The following PFKFB3 variants were observed in gnomAD, a reference collection of about 807,000 sequenced individuals.
The protein encoded by PFKFB3 is 6-phosphofructo-2-kinase/fructose-2,6-bisphosphatase 3.
Under a neutral mutation model 68.0 loss-of-function variants are expected in PFKFB3, and 33 were observed. The observed-to-expected ratio is 0.49, with a 90% CI of 0.37 to 0.65. PFKFB3 has a LOEUF of 0.65. PFKFB3 is among the 30% of genes least tolerant of loss of function. PFKFB3 has a pLI of 0.00. For missense variants in PFKFB3, 586 were observed against 712.2 expected, an observed-to-expected ratio of 0.82 and a Z score of 2.02; for synonymous variants, 315 against 288.2, an observed-to-expected ratio of 1.09 and a Z score of -0.94.
the PFKFB3 span, among the ~76,000 whole-genome samples, chr10:6,262,006 A>G: frequency 7.9e-6 from 1 of 126,566 alleles, no homozygotes; most frequent in Non-Finnish European, 1.8e-5. Flanking sequence ...CAAAAACAAA[A>G]CAAAACAAAA....
the PFKFB3 span, among the ~76,000 whole-genome samples, chr10:6,319,351 TG>T: frequency 6.6e-6 from 1 of 152,232 alleles, no homozygotes; most frequent in African/African-American, 2.4e-5. Context: ...TCATGTCTTT[TG>T]CAGCAACATG....
chr10:6,266,411 A>G, the PFKFB3 span, among the ~76,000 whole-genome samples: 1 of 152,102 alleles, frequency 6.6e-6, no homozygotes, highest in African/African-American at 2.4e-5. Flanking sequence ...CTCCAGGCTC[A>G]TCTTGTGCCT....
chr10:6,260,802 G>A, the PFKFB3 span, among the ~76,000 whole-genome samples: 1 of 152,134 alleles, frequency 6.6e-6, no homozygotes, highest in African/African-American at 2.4e-5. Flanking sequence ...ATTTGGTCAT[G>A]TGTGTTTTTC....
the PFKFB3 span, among the ~76,000 whole-genome samples, chr10:6,298,689 T>A: frequency 1.3e-5 from 2 of 152,142 alleles, no homozygotes; most frequent in African/African-American, 4.8e-5. Context: ...TTTCAGGGCA[T>A]CCTGAAAGGC....
At chr10:6,201,249 G>A (rs1331113407), upstream of PFKFB3, among the ~76,000 whole-genome samples, 1 of 151,896 alleles carries the variant, frequency 6.6e-6, no homozygotes, top group Non-Finnish European at 1.5e-5. This position sits in a 1 kb window ranked among gnomAD's most constrained non-coding sequence, Gnocchi z 4.1. Flanking sequence ...TTTCAGGAGT[G>A]GAGTGGGACT....
At chr10:6,290,147 CA>C in the PFKFB3 span, among the ~76,000 whole-genome samples, 4 of 152,278 alleles carry the variant, frequency 2.6e-5, no homozygotes. Flanking sequence ...ATGTCATCTG[CA>C]AACAGGGACA....
At position 6,229,411 on chromosome 10, in the gene PFKFB3, G is replaced by A. The variant is rs539970568; in HGVS notation, c.1515+3046G>A. The stretch of plus-strand genomic sequence containing the variant: ...AGAAAGCCGGCCGCCTCCTCTCTGC[G>A]GCTTCTGGGAGTGGGCTGGGTGCCC... On this transcript the variant is annotated intron_variant, in intron 14 of 14. Transcript: ENST00000379775. This position sits in a 1 kb window ranked among gnomAD's most constrained non-coding sequence, Gnocchi z 4.3. Among the ~76,000 whole-genome samples the A allele has an allele frequency of 5.9e-5, 9 of 152,202 alleles. No homozygotes were observed. Among genetic ancestry groups the A allele is most frequent in the Middle Eastern group, 3.2e-3 (1 of 316 alleles).
At chr10:6,231,248 C>A (rs766483868) in intron 14 of PFKFB3, 11 of 1,541,104 alleles carry the variant, frequency 7.1e-6, no homozygotes, top group Middle Eastern at 1.7e-4. Context: ...TCCTCTCCCC[C>A]ACTCTGCTTG....
At chr10:6,212,137 G>C (rs529021554) in intron 1 of PFKFB3, among the ~76,000 whole-genome samples, 42 of 152,280 alleles carry the variant, frequency 2.8e-4, no homozygotes, top group Non-Finnish European at 4.4e-4. Flanking sequence ...GTCTGGGAAT[G>C]ATGAGGACAG....
At chr10:6,212,919 C>G (rs2131932422) in intron 1 of PFKFB3, among the ~76,000 whole-genome samples, 1 of 152,230 alleles carries the variant, frequency 6.6e-6, no homozygotes, top group East Asian at 1.9e-4. Context: ...CCCCTGGGCC[C>G]CAGCCCCTGC....
chr10:6,311,688 G>A, the PFKFB3 span, among the ~76,000 whole-genome samples: 3 of 152,140 alleles, frequency 2.0e-5, no homozygotes, highest in African/African-American at 7.2e-5. Context: ...GGCGGAGGTT[G>A]CAGTGAGCCA....
intron 1 of PFKFB3, among the ~76,000 whole-genome samples, chr10:6,147,771 G>C (rs1841438665): frequency 6.6e-6 from 1 of 151,948 alleles, no homozygotes; most frequent in Admixed American, 6.6e-5. Context: ...TGACGGGGTG[G>C]TCCATACAGG....
the PFKFB3 span, chr10:6,326,461 A>G: frequency 4.6e-6 from 2 of 435,020 alleles, no homozygotes; most frequent in South Asian, 1.6e-5. Context: ...AATAGAAAAG[A>G]ATGAACGTGG....
intron 14 of PFKFB3, among the ~76,000 whole-genome samples, chr10:6,248,926 C>A (rs1487310070): frequency 6.6e-6 from 1 of 152,000 alleles, no homozygotes; most frequent in Non-Finnish European, 1.5e-5. Context: ...GTAATCCCAG[C>A]ACTTTGGGAG....
chr10:6,150,979 G>A (rs1841559815), intron 1 of PFKFB3, among the ~76,000 whole-genome samples: 1 of 151,092 alleles, frequency 6.6e-6, no homozygotes, highest in Admixed American at 6.6e-5. Context: ...TGGCCTGGGC[G>A]ACAGAGCCAA....
intron 1 of PFKFB3, among the ~76,000 whole-genome samples, chr10:6,191,695 G>T (rs774519857): frequency 2.6e-4 from 40 of 152,196 alleles, no homozygotes; most frequent in Non-Finnish European, 4.4e-4. Context: ...TCTGGCTGCT[G>T]CATTTGCCGT....
intron 1 of PFKFB3, among the ~76,000 whole-genome samples, chr10:6,165,019 A>G (rs537515267): frequency 3.5e-4 from 53 of 151,760 alleles, no homozygotes; most frequent in African/African-American, 1.2e-3. Flanking sequence ...CTCTTTCACT[A>G]CTTCTCAGTA....
chr10:6,302,773 CACACACAT>C, the PFKFB3 span, among the ~76,000 whole-genome samples: 783 of 143,978 alleles, frequency 5.4e-3, 6 homozygotes, highest in African/African-American at 0.018. Context: ...CACACACACA[CACACACAT>C]ATACACATAC....
At chr10:6,211,107 A>T (rs896112655) in intron 1 of PFKFB3, among the ~76,000 whole-genome samples, 2 of 152,198 alleles carry the variant, frequency 1.3e-5, no homozygotes, top group African/African-American at 4.8e-5. Context: ...AGAGCAGTGC[A>T]TAGGGAGAAT....
Sources: gnomAD v4.1 joint callset for allele counts (sites outside exome capture counted in the v4.1 genomes callset) on GRCh38, gnomAD v4.1.1 for gene constraint, Gnocchi (gnomAD v3.1) non-coding constraint, MANE v1.5 for transcripts, NCBI Gene and HGNC (gene_info 2026-07-23, HGNC 2026-07-21) for gene names.